The following NOX4 variants were observed in gnomAD, a reference collection of about 807,000 sequenced individuals.
NOX4 encodes the protein kidney oxidase-1.
In NOX4, 69 loss-of-function variants were observed where a neutral mutation model predicts 87.6. That is an observed-to-expected ratio of 0.79 (90% CI 0.65 to 0.96). NOX4 has a LOEUF of 0.96. Among genes scored for constraint, NOX4 ranks in the 40% least tolerant of loss-of-function variants. The pLI, the probability that NOX4 is intolerant of heterozygous loss-of-function variation, is 0.00. For synonymous variants in NOX4, 275 were observed against 238.2 expected (o/e 1.15, Z -1.42); for missense variants, 680 against 681.5 (o/e 1.00, Z 0.02).
At chr11:89,570,916 T>C in the NOX4 span, among the ~76,000 whole-genome samples, 109 of 152,346 alleles carry the variant, frequency 7.2e-4, 1 homozygote, top group African/African-American at 2.5e-3. Flanking sequence ...GGAGAATTAA[T>C]CTCTATCTTG....
the NOX4 span, among the ~76,000 whole-genome samples, chr11:89,573,745 T>A: frequency 6.6e-6 from 1 of 152,170 alleles, no homozygotes; most frequent in African/African-American, 2.4e-5. Context: ...TTGGAAGAGA[T>A]CCAAGTGGGC....
In NOX4 at chr11:89,452,395, ACT is replaced by A. The variant is rs150309154; in HGVS notation, c.154-502_154-501del. On this transcript the variant is annotated intron_variant, in intron 2 of 17. Coordinates refer to ENST00000263317, the MANE Select transcript of NOX4 (RefSeq NM_016931.5). ...TTTCTGCAAGCTCTGCTTATCACTA[ACT>A]CTACTCATCTTTCTGGTCACATAGT... 9.2e-3 allele frequency among the ~76,000 whole-genome samples: 1,391 copies of A among 151,850 alleles called. 18 individuals carry two copies. Among genetic ancestry groups the A allele is most frequent in the African/African-American group, 0.032 (1,344 of 41,382 alleles).
At chr11:89,447,788 T>C (rs1420263288) in intron 4 of NOX4, among the ~76,000 whole-genome samples, 1 of 152,130 alleles carries the variant, frequency 6.6e-6, no homozygotes, top group African/African-American at 2.4e-5. Flanking sequence ...CTCTCCCTAA[T>C]CTATCTCTAA....
At chr11:89,365,954 A>G (rs1938951445) in intron 12 of NOX4, among the ~76,000 whole-genome samples, 1 of 152,062 alleles carries the variant, frequency 6.6e-6, no homozygotes, top group Non-Finnish European at 1.5e-5. Flanking sequence ...TCAGGGAAAA[A>G]CAACAAGCAA....
At chr11:89,566,910 A>G in the NOX4 span, among the ~76,000 whole-genome samples, 41 of 152,108 alleles carry the variant, frequency 2.7e-4, no homozygotes, top group African/African-American at 9.9e-4. Flanking sequence ...AATCCCCGTG[A>G]CCTCCATATA....
At chr11:89,348,858 A>T (rs1396728497) in intron 13 of NOX4, among the ~76,000 whole-genome samples, 1 of 152,210 alleles carries the variant, frequency 6.6e-6, no homozygotes, top group Non-Finnish European at 1.5e-5. Flanking sequence ...ACCTCTTTGA[A>T]TCTCAGTCCT....
the NOX4 span, among the ~76,000 whole-genome samples, chr11:89,506,827 C>T: frequency 6.6e-6 from 1 of 151,762 alleles, no homozygotes; most frequent in African/African-American, 2.4e-5. Flanking sequence ...TAACTAAACA[C>T]CATTAGTTAT....
intron 2 of NOX4, among the ~76,000 whole-genome samples, chr11:89,468,025 G>T (rs933974705): frequency 6.6e-6 from 1 of 152,088 alleles, no homozygotes; most frequent in East Asian, 1.9e-4. Context: ...AATTTATTTT[G>T]CTAAATACTA....
intron 2 of NOX4, among the ~76,000 whole-genome samples, chr11:89,467,952 G>C (rs1945778456): frequency 1.3e-5 from 2 of 152,190 alleles, no homozygotes; most frequent in African/African-American, 4.8e-5. Context: ...TACATTTCAA[G>C]TTAATTATGT....
chr11:89,393,440 A>C (rs1239472596), intron 11 of NOX4, among the ~76,000 whole-genome samples: 5 of 151,470 alleles, frequency 3.3e-5, no homozygotes, highest in African/African-American at 4.9e-5. Flanking sequence ...TCCCAAAGGA[A>C]AAAAAAAATC....
intron 12 of NOX4, among the ~76,000 whole-genome samples, chr11:89,367,919 G>T (rs961917191): frequency 6.6e-6 from 1 of 151,808 alleles, no homozygotes; most frequent in East Asian, 1.9e-4. Context: ...TTTTTTCTCC[G>T]TGGAATAATC....
intron 2 of NOX4, among the ~76,000 whole-genome samples, chr11:89,461,668 A>AAATAAATAAATAAAT (rs1945473101): frequency 6.6e-6 from 1 of 151,902 alleles, no homozygotes; most frequent in East Asian, 1.9e-4. Flanking sequence ...ATAAATAAAT[A>AAATAAATAAATAAAT]AGAGAAGAAA....
At chr11:89,566,407 T>C in the NOX4 span, among the ~76,000 whole-genome samples, 3 of 152,206 alleles carry the variant, frequency 2.0e-5, no homozygotes, top group African/African-American at 7.2e-5. Context: ...GCTGCTCTTA[T>C]AAAATAAATT....
chr11:89,382,588 C>G (rs1940371978), intron 11 of NOX4, among the ~76,000 whole-genome samples: 1 of 151,932 alleles, frequency 6.6e-6, no homozygotes, highest in South Asian at 2.1e-4. Context: ...TGAGTCTTTT[C>G]AATCTTCCTT....
chr11:89,496,722 T>C (rs1267666425), upstream of NOX4, among the ~76,000 whole-genome samples: 1 of 152,176 alleles, frequency 6.6e-6, no homozygotes, highest in African/African-American at 2.4e-5. Context: ...GAAAATTCAT[T>C]TTTTACAAAA....
chr11:89,422,294 A>G (rs936426670), intron 7 of NOX4, among the ~76,000 whole-genome samples: 15 of 152,212 alleles, frequency 9.9e-5, no homozygotes, highest in Admixed American at 5.9e-4. Context: ...GTCTGCTAAT[A>G]TGTACTTTGG....
the NOX4 span, among the ~76,000 whole-genome samples, chr11:89,509,466 C>A: frequency 6.6e-6 from 1 of 152,000 alleles, no homozygotes; most frequent in Admixed American, 6.6e-5. Flanking sequence ...CAGTCCAGTG[C>A]TGCCCCTGCC....
chr11:89,426,646 G>A (rs11018611), intron 7 of NOX4, among the ~76,000 whole-genome samples: 13,839 of 152,096 alleles, frequency 0.091, 788 homozygotes, highest in South Asian at 0.2. Context: ...GTCTGAGATC[G>A]AAATGCAAGG....
upstream of NOX4, among the ~76,000 whole-genome samples, chr11:89,492,382 G>A (rs971057633): frequency 2.0e-5 from 3 of 152,120 alleles, no homozygotes; most frequent in East Asian, 1.9e-4. Flanking sequence ...TTGCTTAATC[G>A]AATGGCTTTT....
Sources: gnomAD v4.1 joint callset for allele counts (sites outside exome capture counted in the v4.1 genomes callset) on GRCh38, gnomAD v4.1.1 for gene constraint, MANE v1.5 for transcripts, NCBI Gene and HGNC (gene_info 2026-07-23, HGNC 2026-07-21) for gene names.